Variants in CACNA2D1 observed in about 807,000 individuals in gnomAD.
The protein encoded by CACNA2D1 is voltage-dependent calcium channel subunit alpha-2/delta-1.
CACNA2D1 carries 53 observed loss-of-function variants against 171.5 expected under a neutral mutation model. That is an observed-to-expected ratio of 0.31 (90% CI 0.25 to 0.39). The LOEUF (loss-of-function observed/expected upper bound fraction) is 0.39, where lower values mean the gene tolerates loss of function less well. CACNA2D1 is among the 10% of genes least tolerant of loss of function. The probability of loss-of-function intolerance (pLI) is 1.00; values close to 1 mark genes in which losing one functional copy is unlikely to be tolerated. For synonymous variants in CACNA2D1, 442 were observed against 443.1 expected, an observed-to-expected ratio of 1.00 and a Z score of 0.03; for missense variants, 903 against 1,299.8, an observed-to-expected ratio of 0.69 and a Z score of 4.69.
At chr7:82,105,509 C>T (rs1787649308) in intron 6 of CACNA2D1, among the ~76,000 whole-genome samples, 1 of 146,930 alleles carries the variant, frequency 6.8e-6, no homozygotes, top group Non-Finnish European at 1.5e-5. Flanking sequence ...TCAAAAAATT[C>T]CTCTGACTTA....
intron 3 of CACNA2D1, among the ~76,000 whole-genome samples, chr7:82,243,280 G>C (rs995090711): frequency 2.6e-5 from 4 of 152,016 alleles, no homozygotes; most frequent in Non-Finnish European, 5.9e-5. Flanking sequence ...GCACCATTAA[G>C]AAACAATTTT....
At chr7:82,183,954 A>T (rs923941429) in intron 3 of CACNA2D1, among the ~76,000 whole-genome samples, 1 of 152,006 alleles carries the variant, frequency 6.6e-6, no homozygotes, top group African/African-American at 2.4e-5. Context: ...ATCTCAACCT[A>T]TTCTTTGACT....
At chr7:82,103,285 G>C (rs1812907306) in intron 6 of CACNA2D1, among the ~76,000 whole-genome samples, 1 of 152,102 alleles carries the variant, frequency 6.6e-6, no homozygotes, top group Non-Finnish European at 1.5e-5. Context: ...GACAGAACCA[G>C]ACTCCATTTT....
At chr7:82,390,044 G>A (rs1246912870) in intron 1 of CACNA2D1, among the ~76,000 whole-genome samples, 2 of 152,170 alleles carry the variant, frequency 1.3e-5, no homozygotes, top group Non-Finnish European at 2.9e-5. Flanking sequence ...TAGGACAGAA[G>A]AAGCAAAATA....
intron 3 of CACNA2D1, among the ~76,000 whole-genome samples, chr7:82,239,542 T>G (rs1370098589): frequency 4.6e-5 from 7 of 152,162 alleles, no homozygotes; most frequent in Non-Finnish European, 8.8e-5. Context: ...TGCAGTAAAT[T>G]TATTGTTCTC....
chr7:82,288,458 C>T (rs973749097), intron 3 of CACNA2D1, among the ~76,000 whole-genome samples: 6 of 135,278 alleles, frequency 4.4e-5, no homozygotes, highest in African/African-American at 1.7e-4. Flanking sequence ...CACACACACA[C>T]ATTTGAATGC....
intron 4 of CACNA2D1, among the ~76,000 whole-genome samples, chr7:82,150,784 A>G (rs1236263194): frequency 6.6e-6 from 1 of 152,204 alleles, no homozygotes; most frequent in Non-Finnish European, 1.5e-5. Context: ...CATAGATTAC[A>G]GTTTAAATCT....
intron 3 of CACNA2D1, among the ~76,000 whole-genome samples, chr7:82,326,148 G>C (rs1346518356): frequency 6.6e-6 from 1 of 152,078 alleles, no homozygotes; most frequent in Non-Finnish European, 1.5e-5. Context: ...TATCTTACTT[G>C]TTCATATTAA....
intron 1 of CACNA2D1, among the ~76,000 whole-genome samples, chr7:82,400,371 A>C (rs1238092751): frequency 6.6e-6 from 1 of 151,694 alleles, no homozygotes; most frequent in Non-Finnish European, 1.5e-5. Context: ...ATCCTCTTTT[A>C]TTTCCTTGAG....
At chr7:82,032,741 C>T in intron 12 of CACNA2D1, 56 bp downstream of exon 12, 1 of 1,011,478 alleles carries the variant, frequency 9.9e-7, no homozygotes, top group Non-Finnish European at 1.5e-6. Context: ...CCCACTATCT[C>T]TTTAAAAACC....
At chr7:82,281,332 C>T (rs762773155) in intron 3 of CACNA2D1, among the ~76,000 whole-genome samples, 5 of 152,180 alleles carry the variant, frequency 3.3e-5, no homozygotes, top group Non-Finnish European at 7.3e-5. Context: ...TGTCGAGAGA[C>T]GCAGTCCCAT....
chr7:82,387,177 T>A (rs566016746), intron 1 of CACNA2D1, among the ~76,000 whole-genome samples: 7 of 152,184 alleles, frequency 4.6e-5, no homozygotes, highest in Non-Finnish European at 7.4e-5. Flanking sequence ...AATTAATACA[T>A]ATTGCTAGTC....
chr7:82,400,523 T>A (rs1359022022), intron 1 of CACNA2D1, among the ~76,000 whole-genome samples: 4 of 151,634 alleles, frequency 2.6e-5, no homozygotes, highest in Admixed American at 6.6e-5. Flanking sequence ...TAAAACTGGA[T>A]CCCTTCCTTA....
chr7:81,961,693 A>T (rs553867407), intron 36 of CACNA2D1, among the ~76,000 whole-genome samples: 82 of 152,114 alleles, frequency 5.4e-4, no homozygotes, highest in Admixed American at 2.4e-3. Flanking sequence ...GAATTTTAAA[A>T]ATTACAAATT....
chr7:81,954,757 A>G (rs887834078), intron 38 of CACNA2D1, among the ~76,000 whole-genome samples: 1 of 152,144 alleles, frequency 6.6e-6, no homozygotes, highest in Non-Finnish European at 1.5e-5. Flanking sequence ...ACAGCCATCA[A>G]ATCATGGACT....
chr7:82,076,239 C>T (rs1808949847), intron 7 of CACNA2D1, among the ~76,000 whole-genome samples: 1 of 152,066 alleles, frequency 6.6e-6, no homozygotes, highest in African/African-American at 2.4e-5. Flanking sequence ...AGTATGTCAT[C>T]CTTTTGTGTA....
intron 12 of CACNA2D1, among the ~76,000 whole-genome samples, chr7:82,031,584 G>C (rs1008153971): frequency 1.3e-5 from 2 of 151,838 alleles, no homozygotes; most frequent in Non-Finnish European, 2.9e-5. Flanking sequence ...GCAGTAAGCA[G>C]AGTTTAATTA....
intron 4 of CACNA2D1, among the ~76,000 whole-genome samples, chr7:82,160,690 T>G (rs762756106): frequency 2.7e-4 from 41 of 151,980 alleles, no homozygotes; most frequent in Non-Finnish European, 5.0e-4. Context: ...CCCAGGCTAA[T>G]CTTGAAATCC....
At chr7:82,238,242 G>C (rs1803850263) in intron 3 of CACNA2D1, among the ~76,000 whole-genome samples, 1 of 152,100 alleles carries the variant, frequency 6.6e-6, no homozygotes, top group Admixed American at 6.5e-5. Flanking sequence ...TATCACTAGC[G>C]AGGGGATTTA....
Sources: gnomAD v4.1 joint callset for allele counts (sites outside exome capture counted in the v4.1 genomes callset) on GRCh38, gnomAD v4.1.1 for gene constraint, MANE v1.5 for transcripts, NCBI Gene and HGNC (gene_info 2026-07-23, HGNC 2026-07-21) for gene names.